The following BRCA1 variants were observed in gnomAD, a reference collection of about 807,000 sequenced individuals.
The protein encoded by BRCA1 is BRCA1 DNA repair associated, also known as breast cancer type 1 susceptibility protein.
A neutral mutation model predicts 173.7 loss-of-function variants in BRCA1; 140 were observed. The ratio of observed to expected loss-of-function variants is 0.81; its 90% CI spans 0.70 to 0.93. BRCA1 has a LOEUF of 0.93. BRCA1 is among the 40% of genes least tolerant of loss of function. The pLI is 0.00. For missense variants in BRCA1, 1,983 were observed against 2,172.5 expected (o/e 0.91, Z 1.73); for synonymous variants, 662 against 756.0 (o/e 0.88, Z 2.04).
chr17:43,115,620 CACTT>C, intron 3 of BRCA1, 102 bp downstream of exon 3: 1 of 1,129,010 alleles, frequency 8.9e-7, no homozygotes, highest in East Asian at 2.6e-5. Flanking sequence ...TTTTCGTTCT[CACTT>C]AATTGAAGAA....
intron 19 of BRCA1, among the ~76,000 whole-genome samples, chr17:43,056,701 AAGAG>A (rs151321765): frequency 4.0e-5 from 6 of 150,838 alleles, no homozygotes; most frequent in African/African-American, 9.7e-5. Context: ...GAGAGAGAGC[AAGAG>A]AGAGAGAGAG....
At chr17:43,103,989 C>T (rs1027811561) in intron 6 of BRCA1, 133 bp downstream of exon 6, 1 of 1,173,986 alleles carries the variant, frequency 8.5e-7, no homozygotes, top group Non-Finnish European at 1.2e-6. Context: ...TGCCTGTAAT[C>T]CCAGCTACTA....
At chr17:43,151,677 G>C (rs1342767174) in intron 1 of BRCA1, among the ~76,000 whole-genome samples, 1 of 152,138 alleles carries the variant, frequency 6.6e-6, no homozygotes, top group Non-Finnish European at 1.5e-5. Context: ...ATTGCTTGAG[G>C]CCAATAGTTT....
At chr17:43,143,535 GT>G (rs1323919906) in intron 1 of BRCA1, among the ~76,000 whole-genome samples, 1 of 152,088 alleles carries the variant, frequency 6.6e-6, no homozygotes, top group East Asian at 1.9e-4. Context: ...AACTGCCAGC[GT>G]TCATTTGTGT....
intron 1 of BRCA1, among the ~76,000 whole-genome samples, chr17:43,134,025 C>T (rs9903725): frequency 0.11 from 16,158 of 152,206 alleles, 2,656 homozygotes; most frequent in African/African-American, 0.35. Flanking sequence ...ACTTACCAGC[C>T]AGTCCTTTCA....
At chr17:43,140,276 G>T in intron 1 of BRCA1, 1 of 174,426 alleles carries the variant, frequency 5.7e-6, no homozygotes, top group Admixed American at 6.0e-5. Flanking sequence ...TCATCTGGCT[G>T]TTCATTTGTA....
intron 15 of BRCA1, among the ~76,000 whole-genome samples, chr17:43,070,280 G>C (rs190716334): frequency 1.3e-5 from 2 of 152,088 alleles, no homozygotes; most frequent in Admixed American, 6.6e-5. Context: ...ATTAATTACA[G>C]GGGTGGTAAA....
chr17:43,098,148 C>T (rs751802056), intron 7 of BRCA1, among the ~76,000 whole-genome samples: 1 of 151,474 alleles, frequency 6.6e-6, no homozygotes, highest in Non-Finnish European at 1.5e-5. Context: ...CCTCTGCCTC[C>T]TGAGTAGCTG....
At chr17:43,113,195 T>C (rs1380440868) in intron 3 of BRCA1, among the ~76,000 whole-genome samples, 1 of 152,204 alleles carries the variant, frequency 6.6e-6, no homozygotes, top group Non-Finnish European at 1.5e-5. Flanking sequence ...TTACTGTTTA[T>C]GAGTAATAAT....
At chr17:43,149,792 C>CT (rs1433114022) in intron 1 of BRCA1, among the ~76,000 whole-genome samples, 3 of 151,870 alleles carry the variant, frequency 2.0e-5, no homozygotes, top group South Asian at 2.1e-4. Flanking sequence ...CCCTCAGTTT[C>CT]TTTTTTTTGT....
At chr17:43,054,728 G>A (rs1257276294) in intron 19 of BRCA1, among the ~76,000 whole-genome samples, 2 of 146,486 alleles carry the variant, frequency 1.4e-5, no homozygotes, top group South Asian at 2.2e-4. Flanking sequence ...GAAGTGAGCC[G>A]CTGTGCCCAG....
In BRCA1 at chr17:43,074,273, A is replaced by G. The variant is rs922742038; in HGVS notation, c.4675+58T>C. On this transcript the variant is annotated intron_variant, in intron 14 of 22. Coordinates refer to ENST00000357654, the MANE Select transcript of BRCA1 (RefSeq NM_007294.4). ...AAAGTTGGTTAACCAGAATATCTTT[A>G]TGTAGGATTCAGAGTAAAATCAAAG... 1.9e-6 allele frequency: 3 copies of G among 1,590,126 alleles called. No homozygotes were observed. The Middle Eastern group carries it at 5.0e-4, about 264-fold the overall frequency.
intron 6 of BRCA1, among the ~76,000 whole-genome samples, chr17:43,102,781 T>C (rs2054550202): frequency 1.3e-5 from 2 of 151,876 alleles, no homozygotes; most frequent in African/African-American, 2.4e-5. Flanking sequence ...GCTTCCCAAG[T>C]AGCTGGGACT....
chr17:43,113,091 C>A (rs1043284893), intron 3 of BRCA1, among the ~76,000 whole-genome samples: 1 of 152,224 alleles, frequency 6.6e-6, no homozygotes, highest in African/African-American at 2.4e-5. Context: ...GCGTGAGCCA[C>A]CGTGCCCGGC....
intron 19 of BRCA1, among the ~76,000 whole-genome samples, chr17:43,053,895 G>A (rs1187121711): frequency 6.6e-6 from 1 of 151,884 alleles, no homozygotes; most frequent in Admixed American, 6.6e-5. Context: ...CTTGAACCCT[G>A]GAGGCAGAGA....
At chr17:43,123,938 T>C in intron 2 of BRCA1, 79 bp downstream of exon 2, 1 of 1,127,696 alleles carries the variant, frequency 8.9e-7, no homozygotes, top group Non-Finnish European at 1.4e-6. Context: ...TCTTCCCTAG[T>C]ATGTAAGGTC....
intron 12 of BRCA1, among the ~76,000 whole-genome samples, chr17:43,078,804 G>A (rs1182118156): frequency 6.6e-6 from 1 of 152,198 alleles, no homozygotes; most frequent in Non-Finnish European, 1.5e-5. Flanking sequence ...TAACTATGAA[G>A]AGAGGTATCA....
At chr17:43,086,798 A>G (rs892496019) in intron 11 of BRCA1, among the ~76,000 whole-genome samples, 6 of 152,234 alleles carry the variant, frequency 3.9e-5, no homozygotes, top group Non-Finnish European at 8.8e-5. Context: ...AGGAATTGCA[A>G]AGAGAGAAAA....
intron 1 of BRCA1, chr17:43,148,247 G>T: frequency 6.2e-6 from 1 of 160,020 alleles, no homozygotes; most frequent in Non-Finnish European, 1.3e-5. Context: ...CTGAGATCGC[G>T]CCATTGTACT....
Sources: gnomAD v4.1 joint callset for allele counts (sites outside exome capture counted in the v4.1 genomes callset) on GRCh38, gnomAD v4.1.1 for gene constraint, MANE v1.5 for transcripts, NCBI Gene and HGNC (gene_info 2026-07-23, HGNC 2026-07-21) for gene names.